The following SLC38A12 variants were observed in gnomAD, a reference collection of about 807,000 sequenced individuals.
The protein encoded by SLC38A12 is solute carrier family 38 member 12, also known as putative sodium-coupled neutral amino acid transporter 12.
the SLC38A12 span, among the ~76,000 whole-genome samples, chr17:74,806,151 C>A: frequency 6.6e-6 from 1 of 152,300 alleles, no homozygotes; most frequent in Non-Finnish European, 1.5e-5. Flanking sequence ...GAGGGTCCCC[C>A]ATCCTCTGTC....
the SLC38A12 span, among the ~76,000 whole-genome samples, chr17:74,826,586 C>G: frequency 6.6e-6 from 1 of 152,168 alleles, no homozygotes; most frequent in African/African-American, 2.4e-5. Flanking sequence ...CCCTACAGGT[C>G]TGGAATGAAA....
chr17:74,829,402 G>C, the SLC38A12 span, among the ~76,000 whole-genome samples: 1 of 152,168 alleles, frequency 6.6e-6, no homozygotes, highest in Non-Finnish European at 1.5e-5. This position sits in a 1 kb window ranked among gnomAD's most constrained non-coding sequence, Gnocchi z 4.1. Flanking sequence ...CCAAGTCTTT[G>C]AAATCCAGTG....
the SLC38A12 span, among the ~76,000 whole-genome samples, chr17:74,831,418 C>A: frequency 6.6e-6 from 1 of 152,302 alleles, no homozygotes; most frequent in Non-Finnish European, 1.5e-5. Flanking sequence ...ATGGGTGACA[C>A]AAGACAAATG....
At chr17:74,801,417 T>G in the SLC38A12 span, among the ~76,000 whole-genome samples, 2 of 152,150 alleles carry the variant, frequency 1.3e-5, no homozygotes, top group Non-Finnish European at 2.9e-5. Context: ...GGTGTGGGGT[T>G]GTGAGCCCCT....
At chr17:74,795,145 G>C in the SLC38A12 span, 3 of 1,575,214 alleles carry the variant, frequency 1.9e-6, no homozygotes, top group Non-Finnish European at 2.6e-6. Flanking sequence ...GTTGGCGGTA[G>C]CCAAAGGGGC....
chr17:74,784,869 G>T, the SLC38A12 span, among the ~76,000 whole-genome samples: 1 of 152,162 alleles, frequency 6.6e-6, no homozygotes, highest in African/African-American at 2.4e-5. Context: ...TGGTGGCACT[G>T]GTCACACAAC....
chr17:74,783,193 C>T, the SLC38A12 span, among the ~76,000 whole-genome samples: 3 of 152,336 alleles, frequency 2.0e-5, no homozygotes, highest in Non-Finnish European at 2.9e-5. Context: ...CTCTCAGACT[C>T]ACGTCAGAGA....
At chr17:74,800,431 C>G in the SLC38A12 span, among the ~76,000 whole-genome samples, 2 of 152,242 alleles carry the variant, frequency 1.3e-5, no homozygotes, top group African/African-American at 4.8e-5. Flanking sequence ...TGCCTCTTCC[C>G]AAGGACACTT....
At chr17:74,789,507 G>A in the SLC38A12 span, among the ~76,000 whole-genome samples, 3 of 148,028 alleles carry the variant, frequency 2.0e-5, no homozygotes, top group African/African-American at 7.6e-5. Context: ...TCCATCCTGG[G>A]CAACAGACTG....
chr17:74,835,549 G>A, the SLC38A12 span, among the ~76,000 whole-genome samples: 1 of 152,200 alleles, frequency 6.6e-6, no homozygotes, highest in Admixed American at 6.5e-5. Flanking sequence ...GAGGAAGCTG[G>A]CAGAGCCCCT....
chr17:74,822,927 G>A, the SLC38A12 span, among the ~76,000 whole-genome samples: 1 of 152,332 alleles, frequency 6.6e-6, no homozygotes, highest in Non-Finnish European at 1.5e-5. Context: ...CCCTTTTGGG[G>A]GAGGGACCCC....
At chr17:74,803,290 T>C in the SLC38A12 span, among the ~76,000 whole-genome samples, 7 of 152,238 alleles carry the variant, frequency 4.6e-5, no homozygotes, top group African/African-American at 1.7e-4. Flanking sequence ...GCCCGGTTGA[T>C]GTTGCTGGAG....
chr17:74,814,904 G>A, the SLC38A12 span, among the ~76,000 whole-genome samples: 1 of 152,224 alleles, frequency 6.6e-6, no homozygotes, highest in East Asian at 1.9e-4. Context: ...CTGGAATGAA[G>A]TCAGGTGGTA....
At chr17:74,838,547 C>G in the SLC38A12 span, 1 of 1,135,408 alleles carries the variant, frequency 8.8e-7, no homozygotes, top group African/African-American at 1.6e-5. Flanking sequence ...CTGGAACCGC[C>G]CAGCCATGGA....
At chr17:74,808,963 A>G in the SLC38A12 span, among the ~76,000 whole-genome samples, 1 of 152,118 alleles carries the variant, frequency 6.6e-6, no homozygotes, top group Non-Finnish European at 1.5e-5. Context: ...ACCTTCCCCC[A>G]CATGCCTCCC....
the SLC38A12 span, chr17:74,788,664 A>G: frequency 1.4e-6 from 1 of 706,050 alleles, no homozygotes; most frequent in East Asian, 2.8e-5. Context: ...TCTCTAGGGA[A>G]CAGCTCTCAG....
the SLC38A12 span, among the ~76,000 whole-genome samples, chr17:74,807,937 G>A: frequency 0.018 from 2,727 of 152,340 alleles, 30 homozygotes; most frequent in Non-Finnish European, 0.031. Context: ...GTGGTCCTCC[G>A]TCAGGCTTGT....
the SLC38A12 span, among the ~76,000 whole-genome samples, chr17:74,812,765 G>A: frequency 6.6e-6 from 1 of 152,092 alleles, no homozygotes; most frequent in East Asian, 1.9e-4. Context: ...ACCTTTCAAG[G>A]CTTGCTGCTG....
chr17:74,819,242 C>G, the SLC38A12 span, among the ~76,000 whole-genome samples: 1 of 152,244 alleles, frequency 6.6e-6, no homozygotes, highest in African/African-American at 2.4e-5. Context: ...TCACTCCTCT[C>G]CAAGCCCGTC....
Sources: allele counts gnomAD v4.1 joint callset (sites outside exome capture counted in the v4.1 genomes callset), GRCh38; gene constraint gnomAD v4.1.1; non-coding constraint Gnocchi (gnomAD v3.1); transcripts MANE v1.5; gene names NCBI Gene and HGNC (gene_info 2026-07-23, HGNC 2026-07-21).